GRIP1: variants seen among roughly 807,000 people sequenced by gnomAD.
GRIP1 encodes glutamate receptor interacting protein 1.
A neutral mutation model predicts 129.9 loss-of-function variants in GRIP1; 45 were observed. That is an observed-to-expected ratio of 0.35 (90% CI 0.27 to 0.44). The LOEUF is 0.44. GRIP1 is among the 20% of genes least tolerant of loss of function. The probability of loss-of-function intolerance (pLI) is 1.00; values close to 1 mark genes in which losing one functional copy is unlikely to be tolerated. For synonymous variants in GRIP1, 530 were observed against 520.8 expected (o/e 1.02, Z -0.24); for missense variants, 1,196 against 1,396.8 (o/e 0.86, Z 2.29).
At chr12:67,016,672 G>A (rs1259536645) in intron 1 of GRIP1, among the ~76,000 whole-genome samples, 2 of 152,060 alleles carry the variant, frequency 1.3e-5, no homozygotes, top group African/African-American at 2.4e-5. Flanking sequence ...AAAAAGCGAT[G>A]GATGAAGAAA....
chr12:66,655,509 G>C (rs2033094830), intron 1 of GRIP1, among the ~76,000 whole-genome samples: 2 of 151,988 alleles, frequency 1.3e-5, no homozygotes, highest in South Asian at 4.1e-4. Flanking sequence ...GTTTACAGTA[G>C]GGTTCACTCT....
intron 1 of GRIP1, among the ~76,000 whole-genome samples, chr12:66,777,147 G>A (rs145378876): frequency 6.6e-6 from 1 of 152,220 alleles, no homozygotes; most frequent in Non-Finnish European, 1.5e-5. Flanking sequence ...AAGGCTCAGT[G>A]GTGACAGGAG....
At chr12:66,834,939 G>T (rs1258021948) in intron 1 of GRIP1, among the ~76,000 whole-genome samples, 1 of 148,566 alleles carries the variant, frequency 6.7e-6, no homozygotes, top group South Asian at 2.2e-4. Flanking sequence ...AAAAAAAAGG[G>T]GGGGGGGCAG....
intron 2 of GRIP1, among the ~76,000 whole-genome samples, chr12:66,593,002 T>A (rs1377908628): frequency 1.3e-5 from 2 of 152,212 alleles, no homozygotes; most frequent in Non-Finnish European, 2.9e-5. Flanking sequence ...CTAATATTTT[T>A]AATCAAATAT....
intron 1 of GRIP1, among the ~76,000 whole-genome samples, chr12:66,814,760 G>C (rs2039174481): frequency 6.6e-6 from 1 of 152,166 alleles, no homozygotes; most frequent in South Asian, 2.1e-4. Flanking sequence ...CAAAGAGAGA[G>C]AGAGAGAGGT....
At chr12:66,666,072 G>A (rs1393379613) in intron 1 of GRIP1, among the ~76,000 whole-genome samples, 1 of 152,040 alleles carries the variant, frequency 6.6e-6, no homozygotes, top group African/African-American at 2.4e-5. Flanking sequence ...CATAAAGCTA[G>A]TCAGGTATGT....
chr12:66,456,178 G>C lies in GRIP1; in HGVS notation c.1198+9C>G. 7.8e-7 allele frequency: 1 copy of C among 1,282,266 alleles called. No individual in the cohort carries two copies. Among genetic ancestry groups the C allele is most frequent in the Non-Finnish European group, 1.0e-6 (1 of 981,790 alleles). 79.4% of individuals were successfully genotyped at this position (1,282,266 alleles called of 1,614,324 possible). ...TAAAAGACCAGGAGGAGAAAGCATG[G>C]AACATTACGAGGGCTGTTTGGAGGA... On this transcript the variant is annotated intron_variant, in intron 10 of 24. Coordinates refer to ENST00000359742, the MANE Select transcript of GRIP1 (RefSeq NM_001366722.1).
At chr12:66,950,464 C>T (rs915731168) in intron 1 of GRIP1, among the ~76,000 whole-genome samples, 2 of 152,026 alleles carry the variant, frequency 1.3e-5, no homozygotes, top group Non-Finnish European at 2.9e-5. Flanking sequence ...TCAGTTTTAA[C>T]ATTTATATCT....
At chr12:67,059,344 G>T (rs527623449) in intron 1 of GRIP1, among the ~76,000 whole-genome samples, 27 of 152,308 alleles carry the variant, frequency 1.8e-4, no homozygotes, top group African/African-American at 6.5e-4. Context: ...CTGCCAAGAT[G>T]ACATTCAAAG....
At chr12:66,557,426 C>T (rs2062373024) in intron 2 of GRIP1, among the ~76,000 whole-genome samples, 1 of 152,136 alleles carries the variant, frequency 6.6e-6, no homozygotes, top group African/African-American at 2.4e-5. Context: ...GACATAAAAT[C>T]AACAAAGAAA....
At chr12:66,373,849 C>A (rs995791185) in intron 22 of GRIP1, among the ~76,000 whole-genome samples, 2 of 152,158 alleles carry the variant, frequency 1.3e-5, no homozygotes, top group Admixed American at 6.5e-5. Context: ...ATTAAAATTA[C>A]CATACATCCT....
chr12:67,061,225 T>TC (rs2043529117), intron 1 of GRIP1, among the ~76,000 whole-genome samples: 1 of 152,230 alleles, frequency 6.6e-6, no homozygotes. Flanking sequence ...AAATAATGCC[T>TC]CCATCCAGAG....
intron 4 of GRIP1, among the ~76,000 whole-genome samples, chr12:66,534,785 C>G (rs1038148528): frequency 6.6e-6 from 1 of 152,106 alleles, no homozygotes; most frequent in Non-Finnish European, 1.5e-5. Context: ...CCTCTGCCTC[C>G]CAGGTTCAAG....
In GRIP1 at chr12:66,543,032, T is replaced by C. The variant is rs1004865809; in HGVS notation, c.137-1082A>G. ...TTATAATGTTGAAAATATTTATAAA[T>C]GTGTATCATAAAGGTTTTTAAATTG... On this transcript the variant is annotated intron_variant, in intron 2 of 24. Coordinates refer to ENST00000359742, the MANE Select transcript of GRIP1 (RefSeq NM_001366722.1). Among the ~76,000 whole-genome samples the C allele has an allele frequency of 2.0e-5, 3 of 152,248 alleles. No homozygotes were observed. In the South Asian group the frequency reaches 6.2e-4, roughly 32 times the overall value.
At chr12:66,985,098 ACAGCATGCTGGCTGGCTTCCAAG>A (rs1412960822) in intron 1 of GRIP1, among the ~76,000 whole-genome samples, 1 of 152,148 alleles carries the variant, frequency 6.6e-6, no homozygotes, top group African/African-American at 2.4e-5. Context: ...AAATTTTCTC[ACAGCATGCTGGCTGGCTTCCAAG>A]CAGCATGCCT....
At chr12:66,451,584 C>CT (rs2058808142) in intron 11 of GRIP1, among the ~76,000 whole-genome samples, 1 of 151,216 alleles carries the variant, frequency 6.6e-6, no homozygotes, top group Non-Finnish European at 1.5e-5. Context: ...TTTCTTTTCT[C>CT]TTTTTTGTAG....
At chr12:66,667,649 G>A (rs10878491) in intron 1 of GRIP1, among the ~76,000 whole-genome samples, 6,015 of 152,236 alleles carry the variant, frequency 0.04, 170 homozygotes, top group East Asian at 0.093. Flanking sequence ...AGCAGGGTGA[G>A]CAGGCAGTAC....
chr12:66,511,159 G>A (rs1485458059), intron 7 of GRIP1, among the ~76,000 whole-genome samples: 2 of 152,028 alleles, frequency 1.3e-5, no homozygotes, highest in African/African-American at 4.8e-5. Flanking sequence ...CATGAGATCT[G>A]ATGGTTTTAT....
At chr12:66,411,143 C>T (rs572631368) in intron 15 of GRIP1, among the ~76,000 whole-genome samples, 17 of 152,252 alleles carry the variant, frequency 1.1e-4, no homozygotes, top group African/African-American at 4.1e-4. Context: ...CTCTGTCAAG[C>T]GGCAGCCAGA....
Sources: gnomAD v4.1 joint callset for allele counts (sites outside exome capture counted in the v4.1 genomes callset) on GRCh38, gnomAD v4.1.1 for gene constraint, MANE v1.5 for transcripts, NCBI Gene and HGNC (gene_info 2026-07-23, HGNC 2026-07-21) for gene names.